The following C12orf42 variants were observed in gnomAD, a reference collection of about 807,000 sequenced individuals.
C12orf42 encodes uncharacterized protein C12orf42.
Under a neutral mutation model 21.6 loss-of-function variants are expected in C12orf42, and 25 were observed. The ratio of observed to expected loss-of-function variants is 1.16; its 90% confidence interval spans 0.84 to 1.62. The LOEUF (loss-of-function observed/expected upper bound fraction) is 1.62, where lower values mean the gene tolerates loss of function less well. Ranked by LOEUF, C12orf42 falls within the 40% of genes most tolerant of loss-of-function variation. The pLI, the probability that C12orf42 is intolerant of heterozygous loss-of-function variation, is 0.00. For missense variants in C12orf42, 483 were observed against 459.3 expected (o/e 1.05, Z -0.47); for synonymous variants, 174 against 175.0 (o/e 0.99, Z 0.05).
intron 2 of C12orf42, among the ~76,000 whole-genome samples, chr12:103,421,501 G>A (rs961101589): frequency 3.9e-5 from 6 of 151,940 alleles, no homozygotes; most frequent in Admixed American, 1.3e-4. Context: ...TTGAATCTGG[G>A]AGGTTAAGGC....
downstream of C12orf42, among the ~76,000 whole-genome samples, chr12:103,266,794 G>C (rs959297546): frequency 6.6e-6 from 1 of 151,996 alleles, no homozygotes; most frequent in African/African-American, 2.4e-5. Flanking sequence ...GAGCAGGTGG[G>C]GAGCTAGAAA....
chr12:103,355,686 T>C (rs1223870568), intron 4 of C12orf42, among the ~76,000 whole-genome samples: 1 of 152,056 alleles, frequency 6.6e-6, no homozygotes, highest in African/African-American at 2.4e-5. Context: ...TACCACCTCC[T>C]CATTCCTCAC....
At chr12:103,163,557 C>T in the C12orf42 span, among the ~76,000 whole-genome samples, 872 of 152,198 alleles carry the variant, frequency 5.7e-3, 3 homozygotes, top group Middle Eastern at 0.014. Flanking sequence ...TTGTTCTGTC[C>T]ACAGCTTGAC....
chr12:103,499,472 T>C (rs974720649), upstream of C12orf42, among the ~76,000 whole-genome samples: 4 of 152,280 alleles, frequency 2.6e-5, no homozygotes, highest in East Asian at 7.7e-4. Context: ...CATCTGTATT[T>C]AAGGAGTGAT....
At chr12:103,184,163 C>T in the C12orf42 span, among the ~76,000 whole-genome samples, 3 of 152,176 alleles carry the variant, frequency 2.0e-5, no homozygotes, top group Non-Finnish European at 4.4e-5. Flanking sequence ...ACATCCTCAA[C>T]TATAATTCAG....
At chr12:103,078,958 T>C in the C12orf42 span, among the ~76,000 whole-genome samples, 1 of 152,172 alleles carries the variant, frequency 6.6e-6, no homozygotes, top group Admixed American at 6.5e-5. Flanking sequence ...GGAATGTATA[T>C]CTGGTTTGAA....
At chr12:103,246,574 C>A (rs966488851) in intron 10 of C12orf42, among the ~76,000 whole-genome samples, 1 of 151,904 alleles carries the variant, frequency 6.6e-6, no homozygotes, top group Non-Finnish European at 1.5e-5. Context: ...GTGGATATAA[C>A]CCTTGGAACC....
chr12:103,078,430 C>T, the C12orf42 span, among the ~76,000 whole-genome samples: 2 of 152,148 alleles, frequency 1.3e-5, no homozygotes, highest in African/African-American at 4.8e-5. Context: ...TTTAGAAGTA[C>T]ACAAGGGGGA....
At chr12:103,355,681 C>A (rs2043482617) in intron 4 of C12orf42, among the ~76,000 whole-genome samples, 1 of 152,066 alleles carries the variant, frequency 6.6e-6, no homozygotes, top group Non-Finnish European at 1.5e-5. Context: ...AGCCTTACCA[C>A]CTCCTCATTC....
intron 2 of C12orf42, among the ~76,000 whole-genome samples, chr12:103,467,990 C>T (rs1953280184): frequency 1.3e-5 from 2 of 152,152 alleles, no homozygotes. Flanking sequence ...CTCTGACTGA[C>T]CTAACCAGTT....
At chr12:103,470,892 C>G (rs1329075324) in intron 2 of C12orf42, among the ~76,000 whole-genome samples, 1 of 152,154 alleles carries the variant, frequency 6.6e-6, no homozygotes, top group African/African-American at 2.4e-5. Flanking sequence ...ATTCCAGTCC[C>G]CAGCCATCTG....
chr12:103,497,714 C>A (rs1394627769), upstream of C12orf42, among the ~76,000 whole-genome samples: 2 of 152,148 alleles, frequency 1.3e-5, no homozygotes, highest in South Asian at 2.1e-4. Context: ...AGAGCTCATT[C>A]TTTTGTGGTG....
At chr12:103,066,589 C>T in the C12orf42 span, among the ~76,000 whole-genome samples, 2 of 152,202 alleles carry the variant, frequency 1.3e-5, no homozygotes, top group South Asian at 4.1e-4. Flanking sequence ...GGGAAATCTT[C>T]CCAGTGGGCA....
chr12:103,338,286 C>T (rs1229665872), intron 4 of C12orf42, among the ~76,000 whole-genome samples: 1 of 152,210 alleles, frequency 6.6e-6, no homozygotes, highest in South Asian at 2.1e-4. Flanking sequence ...TGCTTACCTC[C>T]TCTGTACAAA....
At chr12:103,469,434 C>A (rs1048925628) in intron 2 of C12orf42, among the ~76,000 whole-genome samples, 2 of 152,138 alleles carry the variant, frequency 1.3e-5, no homozygotes, top group African/African-American at 4.8e-5. Context: ...GCAGTTCCTG[C>A]CAGTTTTTCT....
rs777084521 is a variant in C12orf42, at chr12:103,401,681, A to G, written c.79-6T>C. On this transcript the variant is annotated splice_region_variant and splice_polypyrimidine_tract_variant and intron_variant, in intron 2 of 5. Transcript: ENST00000548883. ...GGAATATAGCAAGGGGATTTCTGAA[A>G]CATTAGAAACAAGGCATTTAGTATC... is the stretch of plus-strand genomic sequence containing the variant. The G allele has an allele frequency of 6.2e-7, 1 of 1,611,664 alleles. No homozygotes were observed. The highest frequency in any genetic ancestry group is 8.5e-7 in the Non-Finnish European group (1 of 1,178,076).
the C12orf42 span, among the ~76,000 whole-genome samples, chr12:103,220,691 C>T: frequency 8.6e-6 from 1 of 116,316 alleles, no homozygotes; most frequent in African/African-American, 3.0e-5. Context: ...TTTGACGAGT[C>T]GGCCTCCCCC....
At chr12:103,242,981 T>C (rs1367496896) in intron 10 of C12orf42, among the ~76,000 whole-genome samples, 1 of 152,110 alleles carries the variant, frequency 6.6e-6, no homozygotes, top group Non-Finnish European at 1.5e-5. Context: ...ACTTTACTAC[T>C]TGCCATTTAC....
chr12:103,272,153 A>G (rs1450815463), intron 5 of C12orf42, among the ~76,000 whole-genome samples: 2 of 152,180 alleles, frequency 1.3e-5, no homozygotes, highest in Non-Finnish European at 2.9e-5. Flanking sequence ...TTGAAGCATT[A>G]CCTTAGACAG....
Sources: gnomAD v4.1 joint callset for allele counts (sites outside exome capture counted in the v4.1 genomes callset) on GRCh38, gnomAD v4.1.1 for gene constraint, MANE v1.5 for transcripts, NCBI Gene and HGNC (gene_info 2026-07-23, HGNC 2026-07-21) for gene names.